Variants in GLIS3 observed in about 807,000 individuals in gnomAD.
GLIS3 encodes the protein zinc finger protein GLIS3.
In GLIS3, 53 loss-of-function variants were observed where a neutral mutation model predicts 78.6. The ratio of observed to expected loss-of-function variants is 0.67; its 90% CI spans 0.54 to 0.85. The LOEUF (loss-of-function observed/expected upper bound fraction) is 0.85, where lower values mean the gene tolerates loss of function less well. Ranked by LOEUF, GLIS3 falls within the 40% of genes least tolerant of loss-of-function variation. The pLI, the probability that GLIS3 is intolerant of heterozygous loss-of-function variation, is 0.00. For missense variants in GLIS3, 1,703 were observed against 1,231.1 expected, an observed-to-expected ratio of 1.38 and a Z score of -5.74; for synonymous variants, 684 against 509.9, an observed-to-expected ratio of 1.34 and a Z score of -4.60.
intron 4 of GLIS3, among the ~76,000 whole-genome samples, chr9:4,045,022 C>T (rs1049253691): frequency 6.6e-6 from 1 of 152,172 alleles, no homozygotes; most frequent in African/African-American, 2.4e-5. Context: ...AGGCAGAGAA[C>T]AGAGCAGAGT....
At chr9:4,409,417 T>C in the GLIS3 span, among the ~76,000 whole-genome samples, 2 of 152,138 alleles carry the variant, frequency 1.3e-5, no homozygotes, top group African/African-American at 4.8e-5. Flanking sequence ...CTTAGATATA[T>C]TATCTAAAAT....
At chr9:3,864,225 A>G (rs1820424993) in intron 8 of GLIS3, among the ~76,000 whole-genome samples, 1 of 152,226 alleles carries the variant, frequency 6.6e-6, no homozygotes, top group Non-Finnish European at 1.5e-5. Context: ...ATAGTCCTGT[A>G]GCAAAGGCAA....
chr9:4,102,209 A>C (rs1392995192), intron 4 of GLIS3, among the ~76,000 whole-genome samples: 1 of 152,212 alleles, frequency 6.6e-6, no homozygotes, highest in Admixed American at 6.5e-5. Flanking sequence ...AAGTACTTGG[A>C]ACAGTTTACA....
At chr9:4,258,600 T>C (rs993495406) in intron 2 of GLIS3, among the ~76,000 whole-genome samples, 6 of 152,206 alleles carry the variant, frequency 3.9e-5, no homozygotes, top group East Asian at 1.9e-4. Flanking sequence ...ATCTGGAAGA[T>C]GGCCTTTGCT....
intron 3 of GLIS3, among the ~76,000 whole-genome samples, chr9:4,122,990 T>C (rs1429342169): frequency 6.6e-6 from 1 of 151,992 alleles, no homozygotes; most frequent in Non-Finnish European, 1.5e-5. Flanking sequence ...TCTAGGCAAA[T>C]ATATAGCCTT....
intron 2 of GLIS3, among the ~76,000 whole-genome samples, chr9:4,182,567 T>A (rs1476206763): frequency 1.3e-5 from 2 of 152,208 alleles, no homozygotes; most frequent in Non-Finnish European, 2.9e-5. Flanking sequence ...TGGGGAGTTG[T>A]GGGTATCACC....
chr9:3,945,539 A>G (rs1816234497), intron 4 of GLIS3, among the ~76,000 whole-genome samples: 2 of 152,180 alleles, frequency 1.3e-5, no homozygotes, highest in African/African-American at 4.8e-5. Flanking sequence ...AGATAGACAT[A>G]CATGCAGAAT....
chr9:3,968,909 T>G (rs1818162790), intron 4 of GLIS3, among the ~76,000 whole-genome samples: 1 of 152,214 alleles, frequency 6.6e-6, no homozygotes, highest in African/African-American at 2.4e-5. Flanking sequence ...GATCTAACTA[T>G]AAGTGAGTGA....
intron 2 of GLIS3, among the ~76,000 whole-genome samples, chr9:4,195,218 C>G (rs1425321846): frequency 1.3e-5 from 2 of 152,238 alleles, no homozygotes; most frequent in South Asian, 4.1e-4. Flanking sequence ...AGCCCTTCAG[C>G]CCACCACTGC....
chr9:4,161,306 T>G (rs1009954920), intron 2 of GLIS3, among the ~76,000 whole-genome samples: 15 of 151,990 alleles, frequency 9.9e-5, no homozygotes, highest in Non-Finnish European at 1.3e-4. Flanking sequence ...CTTAAAAATT[T>G]AAATAAAAAA....
chr9:4,102,413 A>G (rs1830438479), intron 4 of GLIS3, among the ~76,000 whole-genome samples: 1 of 152,172 alleles, frequency 6.6e-6, no homozygotes, highest in African/African-American at 2.4e-5. Context: ...TCTACAATGA[A>G]TAAGGCTTAT....
At chr9:4,041,740 T>C (rs1383216864) in intron 4 of GLIS3, among the ~76,000 whole-genome samples, 1 of 152,200 alleles carries the variant, frequency 6.6e-6, no homozygotes, top group Non-Finnish European at 1.5e-5. Context: ...AAAGATGTTC[T>C]GAAGATAAAA....
chr9:4,215,529 G>A (rs1404569777), intron 2 of GLIS3, among the ~76,000 whole-genome samples: 1 of 152,152 alleles, frequency 6.6e-6, no homozygotes, highest in South Asian at 2.1e-4. Context: ...AAAGATTCCT[G>A]AATTTCCCAA....
At chr9:4,040,980 AT>A (rs1457118968) in intron 4 of GLIS3, among the ~76,000 whole-genome samples, 1 of 152,206 alleles carries the variant, frequency 6.6e-6, no homozygotes, top group Non-Finnish European at 1.5e-5. Context: ...CTTTCTCAAC[AT>A]TCTAATCCTG....
chr9:4,143,422 C>T (rs1833961435), intron 2 of GLIS3, among the ~76,000 whole-genome samples: 1 of 151,934 alleles, frequency 6.6e-6, no homozygotes. Context: ...CAAAAATTAG[C>T]CGGGCATGGT....
At chr9:3,859,830 T>C (rs1185912778) in intron 8 of GLIS3, among the ~76,000 whole-genome samples, 5 of 152,166 alleles carry the variant, frequency 3.3e-5, no homozygotes, top group Admixed American at 6.5e-5. Flanking sequence ...AATTACTGCT[T>C]ACCAGAAACA....
Position 4,286,488 on chromosome 9 carries a change from A to G in GLIS3, c.-63T>C. 6.3e-7 allele frequency: 1 copy of G among 1,584,634 alleles called. No homozygotes were observed. The highest frequency in any genetic ancestry group is 8.6e-7 in the Non-Finnish European group (1 of 1,159,998). On this transcript the variant is annotated 5_prime_UTR_variant, in exon 2 of 11. Coordinates refer to ENST00000381971, the MANE Select transcript of GLIS3 (RefSeq NM_001042413.2). ...TGTCACTAATGACTCCTTTCAGGCA[A>G]AGTCCAATAAGTTATCCATGGTGTG...
At chr9:4,398,681 TTTG>T in the GLIS3 span, among the ~76,000 whole-genome samples, 14 of 151,990 alleles carry the variant, frequency 9.2e-5, no homozygotes, top group East Asian at 3.9e-4. Context: ...CTTAAGCTCT[TTTG>T]TTGTTGTTGT....
chr9:4,093,128 G>A (rs372000043), intron 4 of GLIS3, among the ~76,000 whole-genome samples: 2 of 152,146 alleles, frequency 1.3e-5, no homozygotes, highest in South Asian at 2.1e-4. Flanking sequence ...CTCATTTACA[G>A]ATGAGAAAAA....
Sources: allele counts gnomAD v4.1 joint callset (sites outside exome capture counted in the v4.1 genomes callset), GRCh38; gene constraint gnomAD v4.1.1; transcripts MANE v1.5; gene names NCBI Gene and HGNC (gene_info 2026-07-23, HGNC 2026-07-21).